The following CNTNAP2 variants were observed in gnomAD, a reference collection of about 807,000 sequenced individuals.
CNTNAP2 encodes contactin associated protein 2.
CNTNAP2 carries 98 observed loss-of-function variants against 155.2 expected under a neutral mutation model. That is an observed-to-expected ratio of 0.63 (90% CI 0.54 to 0.75). CNTNAP2 has a LOEUF of 0.75. Among genes scored for constraint, CNTNAP2 ranks in the 30% least tolerant of loss-of-function variants. The pLI is 0.00. For synonymous variants in CNTNAP2, 651 were observed against 631.2 expected (o/e 1.03, Z -0.47); for missense variants, 1,727 against 1,688.1 (o/e 1.02, Z -0.40).
intron 1 of CNTNAP2, among the ~76,000 whole-genome samples, chr7:146,721,216 C>G (rs1441369569): frequency 7.7e-6 from 1 of 130,466 alleles, no homozygotes; most frequent in Non-Finnish European, 1.5e-5. Context: ...TGTATATATT[C>G]TCTATATATA....
chr7:147,957,335 A>G (rs921006333), intron 14 of CNTNAP2, among the ~76,000 whole-genome samples: 1 of 152,194 alleles, frequency 6.6e-6, no homozygotes, highest in South Asian at 2.1e-4. Flanking sequence ...TAAACTAATG[A>G]AGAAAAGGAG....
intron 2 of CNTNAP2, among the ~76,000 whole-genome samples, chr7:146,776,791 G>A (rs954386948): frequency 6.6e-6 from 1 of 152,032 alleles, no homozygotes; most frequent in East Asian, 1.9e-4. Flanking sequence ...CATAATACAA[G>A]ATACCACTTT....
At chr7:147,441,169 T>C (rs1477873534) in intron 10 of CNTNAP2, among the ~76,000 whole-genome samples, 3 of 152,060 alleles carry the variant, frequency 2.0e-5, no homozygotes, top group Non-Finnish European at 4.4e-5. Flanking sequence ...TTCTTTTGTC[T>C]CCTCCGTGTA....
At chr7:147,602,133 G>A (rs1482486780) in intron 12 of CNTNAP2, among the ~76,000 whole-genome samples, 10 of 151,734 alleles carry the variant, frequency 6.6e-5, no homozygotes, top group African/African-American at 1.9e-4. Context: ...GTAATTATTA[G>A]CAGTTGCAAA....
intron 3 of CNTNAP2, among the ~76,000 whole-genome samples, chr7:146,878,824 C>A (rs1186599644): frequency 1.3e-5 from 2 of 152,152 alleles, no homozygotes; most frequent in Admixed American, 1.3e-4. Flanking sequence ...ACCCTCTCCA[C>A]TCCCCATTGA....
In CNTNAP2 at chr7:147,391,618, G is replaced by A. The variant is rs191640041; in HGVS notation, c.1499-3991G>A. Among the ~76,000 whole-genome samples, 531 of 152,116 alleles carry A rather than the reference G, an allele frequency of 3.5e-3. 5 individuals are homozygous for A. The highest frequency in any genetic ancestry group is 4.9e-3 in the Non-Finnish European group (336 of 67,976). ...CCCCCTTACCCCTTGAGCTTCTGTAGATCTACAGAAGGAAAATGCTTTTAA... is the reference window on the plus strand; with the variant it reads ...CCCCCTTACCCCTTGAGCTTCTGTAAATCTACAGAAGGAAAATGCTTTTAA... On this transcript the variant is annotated intron_variant, in intron 9 of 23. Coordinates refer to ENST00000361727, the MANE Select transcript of CNTNAP2 (RefSeq NM_014141.6).
In CNTNAP2 at chr7:148,097,373, T is replaced by TA. The variant is rs1563198347; in HGVS notation, c.2384-20740dup. On this transcript the variant is annotated intron_variant, in intron 15 of 23. Coordinates refer to ENST00000361727, the MANE Select transcript of CNTNAP2 (RefSeq NM_014141.6). ...AAAAAAAAAAAAAAACCATAAAAAA[T>TA]AAAAATAAAAATAAAAAAATTAAAT... Among the ~76,000 whole-genome samples, 1,215 of 114,014 alleles carry TA rather than the reference T, an allele frequency of 0.011. 81 individuals are homozygous for TA. In the East Asian group the frequency reaches 0.19, roughly 18 times the overall value. 74.8% of individuals were successfully genotyped at this position (114,014 alleles called of 152,430 possible).
chr7:146,569,332 T>A (rs1220521088), intron 1 of CNTNAP2, among the ~76,000 whole-genome samples: 1 of 152,216 alleles, frequency 6.6e-6, no homozygotes, highest in East Asian at 1.9e-4. Flanking sequence ...CTGTGGTTAC[T>A]TCTAATGTTG....
chr7:148,091,858 G>A (rs10485842), intron 15 of CNTNAP2, among the ~76,000 whole-genome samples: 39 of 152,054 alleles, frequency 2.6e-4, no homozygotes, highest in Non-Finnish European at 5.1e-4. Flanking sequence ...CTTGGAAATT[G>A]ATGTATTTAT....
intron 13 of CNTNAP2, among the ~76,000 whole-genome samples, chr7:147,781,124 G>T (rs77813715): frequency 2.0e-5 from 3 of 152,120 alleles, no homozygotes; most frequent in Non-Finnish European, 4.4e-5. Flanking sequence ...TGGCAAAAAG[G>T]AAATAATGAA....
chr7:146,632,761 G>A (rs1426105496), intron 1 of CNTNAP2, among the ~76,000 whole-genome samples: 1 of 151,778 alleles, frequency 6.6e-6, no homozygotes, highest in Non-Finnish European at 1.5e-5. Context: ...AAACAATCAT[G>A]TAGTCATAAG....
Position 146,357,538 on chromosome 7 carries a change from T to G in CNTNAP2, c.97+240565T>G, listed in dbSNP as rs772916086. On this transcript the variant is annotated intron_variant, in intron 1 of 23. Transcript: ENST00000361727. Reference sequence around the variant, plus strand: ...TCATTACCTTAGGGGAAGCTCTCGTTCACTGGCAGATTGCCATGGCTAATT... The same window carrying G: ...TCATTACCTTAGGGGAAGCTCTCGTGCACTGGCAGATTGCCATGGCTAATT... Among the ~76,000 whole-genome samples the G allele has an allele frequency of 1.9e-3, 290 of 152,302 alleles. 10 individuals are homozygous for G. The highest frequency in any genetic ancestry group is 3.4e-3 in the Middle Eastern group (1 of 294).
chr7:147,239,371 G>A (rs1013895209), intron 8 of CNTNAP2, among the ~76,000 whole-genome samples: 2 of 151,904 alleles, frequency 1.3e-5, no homozygotes, highest in Non-Finnish European at 2.9e-5. Context: ...TTAGCTGGGT[G>A]TGTTGCCGGT....
At chr7:147,924,358 C>T (rs1296529868) in intron 14 of CNTNAP2, among the ~76,000 whole-genome samples, 5 of 151,882 alleles carry the variant, frequency 3.3e-5, no homozygotes, top group Non-Finnish European at 2.9e-5. Flanking sequence ...AGGCTGGTCT[C>T]GAACTCCTGA....
At chr7:147,266,513 C>A (rs1804611573) in intron 8 of CNTNAP2, among the ~76,000 whole-genome samples, 1 of 152,168 alleles carries the variant, frequency 6.6e-6, no homozygotes, top group Non-Finnish European at 1.5e-5. Flanking sequence ...CTCTGAGTAT[C>A]TGGATGGTCT....
At chr7:147,610,666 G>C (rs890207131) in intron 12 of CNTNAP2, among the ~76,000 whole-genome samples, 2 of 152,146 alleles carry the variant, frequency 1.3e-5, no homozygotes, top group Non-Finnish European at 2.9e-5. Context: ...GGGAGTTTTA[G>C]GGGAAGCATC....
chr7:147,171,994 C>T (rs1563101958), intron 8 of CNTNAP2, among the ~76,000 whole-genome samples: 1 of 152,140 alleles, frequency 6.6e-6, no homozygotes, highest in Non-Finnish European at 1.5e-5. Context: ...AGATACTATG[C>T]AAGACACTGT....
intron 13 of CNTNAP2, among the ~76,000 whole-genome samples, chr7:147,734,808 G>A (rs1455081106): frequency 6.6e-6 from 1 of 152,192 alleles, no homozygotes; most frequent in Non-Finnish European, 1.5e-5. Flanking sequence ...TTGCATAGAG[G>A]TGTTTATAGT....
intron 7 of CNTNAP2, among the ~76,000 whole-genome samples, chr7:147,131,970 G>A (rs1801383581): frequency 6.6e-6 from 1 of 152,016 alleles, no homozygotes; most frequent in Admixed American, 6.6e-5. Context: ...CTCATGGTCA[G>A]CCTATCACAT....
Sources: allele counts gnomAD v4.1 joint callset (sites outside exome capture counted in the v4.1 genomes callset), GRCh38; gene constraint gnomAD v4.1.1; transcripts MANE v1.5; gene names NCBI Gene and HGNC (gene_info 2026-07-23, HGNC 2026-07-21).